DSE: variants seen among roughly 807,000 people sequenced by gnomAD.
DSE encodes dermatan sulfate epimerase, also known as dermatan-sulfate epimerase.
A neutral mutation model predicts 84.4 loss-of-function variants in DSE; 36 were observed. The ratio of observed to expected loss-of-function variants is 0.43; its 90% CI spans 0.33 to 0.56. The LOEUF (loss-of-function observed/expected upper bound fraction) is 0.56, where lower values mean the gene tolerates loss of function less well. Ranked by LOEUF, DSE falls within the 20% of genes least tolerant of loss-of-function variation. The pLI is 0.06. For synonymous variants in DSE, 410 were observed against 430.1 expected (o/e 0.95, Z 0.58); for missense variants, 862 against 1,169.6 (o/e 0.74, Z 3.84).
In DSE at chr6:116,440,630, G is replaced by C. The variant is rs1489878462; in HGVS notation, c.*3285G>C. 6.6e-6 allele frequency: 1 copy of C among 152,186 alleles called. No individual in the cohort carries two copies. Among genetic ancestry groups the C allele is most frequent in the African/African-American group, 2.4e-5 (1 of 41,436 alleles). 9.4% of individuals were successfully genotyped at this position (152,186 alleles called of 1,614,324 possible). A position where few individuals can be genotyped will look rare whatever the true frequency, so the allele number is the denominator to read the frequency against. Reference sequence around the variant, plus strand: ...AAGATTAAAATGAATATAGTCATAGGTATGAGGGGCATGTAATTTATCTTC... The same window carrying C: ...AAGATTAAAATGAATATAGTCATAGCTATGAGGGGCATGTAATTTATCTTC... On this transcript the variant is annotated 3_prime_UTR_variant, in exon 6 of 6. Coordinates refer to ENST00000644252, the MANE Select transcript of DSE (RefSeq NM_013352.4).
Position 116,254,227 on chromosome 6 carries a change from A to G in DSE, c.-644A>G, listed in dbSNP as rs866522088. 8 of 709,434 alleles carry G rather than the reference A, an allele frequency of 1.1e-5. No homozygotes were observed. The Middle Eastern group carries it at 1.6e-3, about 143-fold the overall frequency. 43.9% of individuals were successfully genotyped at this position (709,434 alleles called of 1,614,324 possible). ...TCGTATTCCTTTGTCTTCTTGTCAC[A>G]AAAAGAATTTCGTCAGTCTGGAAGG... On this transcript the variant is annotated 5_prime_UTR_variant, in exon 1 of 4. Coordinates refer to the DSE transcript ENST00000430252.
chr6:116,366,099 G>A (rs895613637), upstream of DSE: 5 of 152,182 alleles, frequency 3.3e-5, no homozygotes, highest in Non-Finnish European at 7.3e-5. Context: ...TATATACAAC[G>A]TTTGGTTTGC....
intron 2 of DSE, among the ~76,000 whole-genome samples, chr6:116,413,936 A>G (rs1216986954): frequency 2.0e-5 from 3 of 152,192 alleles, no homozygotes; most frequent in African/African-American, 7.2e-5. Context: ...TTCCTCAAGT[A>G]ATTCTTTGCC....
chr6:116,331,350 A>G (rs933181261), intron 2 of DSE, among the ~76,000 whole-genome samples: 3 of 152,178 alleles, frequency 2.0e-5, no homozygotes, highest in African/African-American at 7.2e-5. Context: ...ATGGTGGAAG[A>G]GAAAGCAAAC....
At chr6:116,303,601 C>T (rs1185585801) in intron 2 of DSE, among the ~76,000 whole-genome samples, 1 of 152,108 alleles carries the variant, frequency 6.6e-6, no homozygotes. Context: ...TTTCCACTTC[C>T]CCTTCCCCCA....
rs544754832 is a variant in DSE, at chr6:116,302,130, T to C, written c.-54+43163T>C. 3.9e-4 allele frequency among the ~76,000 whole-genome samples: 59 copies of C among 152,384 alleles called. No homozygotes were observed. The South Asian group carries it at 0.011, about 28-fold the overall frequency. On this transcript the variant is annotated intron_variant, in intron 2 of 3. Transcript: ENST00000430252. ...TGTGTCTTTATAGTAGAATGATTTGTAATCCTTTGGGTATATACCCAATAA... is the reference window on the plus strand; with the variant it reads ...TGTGTCTTTATAGTAGAATGATTTGCAATCCTTTGGGTATATACCCAATAA...
In DSE at chr6:116,432,614, C is replaced by T. The variant is rs1583230702; in HGVS notation, c.911-729C>T. ...GCAATCTGTTTTCAACTTCATTTCT[C>T]TCTTTTTTTTTTTTTCTACAGTTGA... is the stretch of plus-strand genomic sequence containing the variant. On this transcript the variant is annotated intron_variant, in intron 4 of 5. Transcript: ENST00000644252. 2 of 150,852 alleles carry T rather than the reference C, an allele frequency of 1.3e-5. 1 individual carries two copies. 9.3% of individuals were successfully genotyped at this position (150,852 alleles called of 1,614,324 possible). A position where few individuals can be genotyped will look rare whatever the true frequency, so the allele number is the denominator to read the frequency against.
At chr6:116,412,824 G>C (rs573085915) in intron 2 of DSE, 1 of 151,844 alleles carries the variant, frequency 6.6e-6, no homozygotes, top group East Asian at 1.9e-4. Context: ...ATACTCAATA[G>C]GAAGTTTCTC....
At chr6:116,259,388 G>A (rs1007700891) in intron 2 of DSE, 2 of 251,446 alleles carry the variant, frequency 8.0e-6, no homozygotes, top group Non-Finnish European at 1.5e-5. Flanking sequence ...AAGCAGCAAT[G>A]CTCTTCTGAG....
At chr6:116,306,679 T>C (rs573642843) in intron 2 of DSE, among the ~76,000 whole-genome samples, 2 of 152,292 alleles carry the variant, frequency 1.3e-5, no homozygotes, top group East Asian at 3.9e-4. Context: ...TTTTGTGAAC[T>C]GAATGTTGTG....
At chr6:116,300,199 A>G (rs551562034) in intron 2 of DSE, among the ~76,000 whole-genome samples, 1 of 152,314 alleles carries the variant, frequency 6.6e-6, no homozygotes, top group South Asian at 2.1e-4. Context: ...ATAGTACTTT[A>G]GAACCCAAAG....
chr6:116,297,923 A>G (rs1463370545), intron 2 of DSE, among the ~76,000 whole-genome samples: 1 of 152,222 alleles, frequency 6.6e-6, no homozygotes, highest in Non-Finnish European at 1.5e-5. Flanking sequence ...ATGACTAACC[A>G]TCATGGTTTG....
In DSE at chr6:116,439,933, C is replaced by A. The variant is rs896886597; in HGVS notation, c.*2588C>A. On this transcript the variant is annotated 3_prime_UTR_variant, in exon 6 of 6. Coordinates refer to ENST00000644252, the MANE Select transcript of DSE (RefSeq NM_013352.4). ...CTCCAGCCTTGGAGACAGAGTGAGA[C>A]CGTGTTTCTCTCTTTTTTTTTTTTT... The A allele has an allele frequency of 6.8e-6, 1 of 147,032 alleles. No homozygotes were observed. Among genetic ancestry groups the A allele is most frequent in the African/African-American group, 2.6e-5 (1 of 38,394 alleles). 9.1% of individuals were successfully genotyped at this position (147,032 alleles called of 1,614,324 possible). A position where few individuals can be genotyped will look rare whatever the true frequency, so the allele number is the denominator to read the frequency against.
chr6:116,365,004 T>C (rs928748467), intron 2 of DSE, among the ~76,000 whole-genome samples: 6 of 151,806 alleles, frequency 4.0e-5, no homozygotes, highest in African/African-American at 1.5e-4. Flanking sequence ...GGCTAATTTT[T>C]TGTGTGTGTT....
intron 2 of DSE, among the ~76,000 whole-genome samples, chr6:116,310,697 A>G (rs769663367): frequency 6.6e-6 from 1 of 152,094 alleles, no homozygotes; most frequent in East Asian, 1.9e-4. Context: ...TATCATGTCC[A>G]CCCTAGTATA....
intron 3 of DSE, among the ~76,000 whole-genome samples, chr6:116,427,857 C>T (rs1469171677): frequency 1.3e-5 from 2 of 152,178 alleles, no homozygotes; most frequent in Non-Finnish European, 2.9e-5. Flanking sequence ...TTCATGCTAG[C>T]TCCCCTTGTC....
rs554680716 is a variant in DSE at position 116,440,554 on chromosome 6, A to G, written c.*3209A>G. 4.2e-4 allele frequency: 64 copies of G among 152,352 alleles called. No homozygotes were observed. The highest frequency in any genetic ancestry group is 1.4e-3 in the African/African-American group (57 of 41,580). The allele number at this position is 152,352 out of a possible 1,614,324, so 9.4% of individuals were successfully genotyped here. On this transcript the variant is annotated 3_prime_UTR_variant, in exon 6 of 6. Transcript: ENST00000644252. ...AAGAGAAAGCAAGCTATGAAATGCT[A>G]TATTTGTAGGCTTAAAAGTAAATTA...
intron 2 of DSE, among the ~76,000 whole-genome samples, chr6:116,344,732 C>G (rs573064659): frequency 6.6e-6 from 1 of 152,252 alleles, no homozygotes; most frequent in Non-Finnish European, 1.5e-5. Context: ...AGCAAAATAA[C>G]CAGCTAACAT....
chr6:116,345,328 C>T (rs1178885975), intron 2 of DSE, among the ~76,000 whole-genome samples: 1 of 152,204 alleles, frequency 6.6e-6, no homozygotes, highest in Non-Finnish European at 1.5e-5. Flanking sequence ...CTTCTCAGCA[C>T]CGTATTGCAC....
Sources: gnomAD v4.1 joint callset for allele counts (sites outside exome capture counted in the v4.1 genomes callset) on GRCh38, gnomAD v4.1.1 for gene constraint, MANE v1.5 for transcripts, NCBI Gene and HGNC (gene_info 2026-07-23, HGNC 2026-07-21) for gene names.